The following RPRD1B variants were observed in gnomAD, a reference collection of about 807,000 sequenced individuals.
The protein encoded by RPRD1B is regulation of nuclear pre-mRNA domain containing 1B, also known as regulation of nuclear pre-mRNA domain-containing protein 1B.
In RPRD1B, 11 loss-of-function variants were observed where a neutral mutation model predicts 41.5. The observed-to-expected ratio is 0.27, with a 90% CI of 0.17 to 0.44. The LOEUF is 0.44. Among genes scored for constraint, RPRD1B ranks in the 20% least tolerant of loss-of-function variants. The pLI, the probability that RPRD1B is intolerant of heterozygous loss-of-function variation, is 1.00. For synonymous variants in RPRD1B, 158 were observed against 155.6 expected, an observed-to-expected ratio of 1.02 and a Z score of -0.12; for missense variants, 248 against 389.9, an observed-to-expected ratio of 0.64 and a Z score of 3.06.
intron 3 of RPRD1B, chr20:38,049,835 C>G (rs962365723): frequency 2.1e-6 from 1 of 470,312 alleles, no homozygotes; most frequent in Non-Finnish European, 4.4e-6. Context: ...ATTGAAGACC[C>G]TTTCTATCTG....
chr20:38,088,076 G>A (rs1357156646), intron 6 of RPRD1B, among the ~76,000 whole-genome samples: 1 of 152,184 alleles, frequency 6.6e-6, no homozygotes, highest in Non-Finnish European at 1.5e-5. Flanking sequence ...TGCTAGGAGA[G>A]CTCACTCTCT....
chr20:38,059,582 C>A lies in RPRD1B; in HGVS notation c.655+62C>A, dbSNP rs556992928. 2.6e-6 allele frequency: 4 copies of A among 1,534,984 alleles called. No homozygotes were observed. The African/African-American group carries it at 5.5e-5, about 21-fold the overall frequency. ...AGGGACATAACTGTAATGCAGTAAC[C>A]CTAGGCCATACTTAACGTCTGCAGG... On this transcript the variant is annotated intron_variant, in intron 5 of 6. Transcript: ENST00000373433.
chr20:38,073,144 G>A (rs141508153), intron 6 of RPRD1B, among the ~76,000 whole-genome samples: 75 of 152,288 alleles, frequency 4.9e-4, no homozygotes, highest in Middle Eastern at 3.4e-3. Flanking sequence ...CAGAATAGTA[G>A]CCAAAGTTTA....
intron 6 of RPRD1B, among the ~76,000 whole-genome samples, 153 bp downstream of exon 6, chr20:38,066,409 G>A (rs903738520): frequency 6.6e-6 from 1 of 152,136 alleles, no homozygotes; most frequent in Non-Finnish European, 1.5e-5. Context: ...GTAATTATTT[G>A]AGCCCAGTTA....
chr20:38,040,219 A>G (rs769567457), intron 1 of RPRD1B, among the ~76,000 whole-genome samples: 1 of 150,832 alleles, frequency 6.6e-6, no homozygotes, highest in Non-Finnish European at 1.5e-5. Context: ...CAACACAGCA[A>G]TGAAGATGGC....
At chr20:38,078,745 AAGCCTAT>A (rs921449834) in intron 6 of RPRD1B, among the ~76,000 whole-genome samples, 1 of 152,122 alleles carries the variant, frequency 6.6e-6, no homozygotes, top group African/African-American at 2.4e-5. Flanking sequence ...TCTTCTCACT[AAGCCTAT>A]AGCTTGATGG....
intron 6 of RPRD1B, among the ~76,000 whole-genome samples, chr20:38,067,902 G>A (rs973193755): frequency 1.3e-5 from 2 of 152,232 alleles, no homozygotes; most frequent in Non-Finnish European, 2.9e-5. Context: ...ACACATTAAG[G>A]GCTTTCTCTG....
At chr20:38,082,727 C>G (rs182432415) in intron 6 of RPRD1B, among the ~76,000 whole-genome samples, 1 of 152,164 alleles carries the variant, frequency 6.6e-6, no homozygotes, top group African/African-American at 2.4e-5. Context: ...CCATCTCCCT[C>G]CAGTAGAAAA....
chr20:38,072,739 T>C (rs1194762486), intron 6 of RPRD1B, among the ~76,000 whole-genome samples: 7 of 151,272 alleles, frequency 4.6e-5, no homozygotes, highest in Non-Finnish European at 8.9e-5. Context: ...GCATTTGATA[T>C]TATAAAGGCC....
chr20:38,076,189 C>T (rs1240016849), intron 6 of RPRD1B, among the ~76,000 whole-genome samples: 3 of 152,184 alleles, frequency 2.0e-5, no homozygotes, highest in Admixed American at 1.3e-4. Context: ...ACCATTTACC[C>T]CAATTATGGT....
intron 3 of RPRD1B, 103 bp from the exon 4 acceptor site, chr20:38,057,429 G>A: frequency 1.4e-6 from 1 of 731,360 alleles, no homozygotes; most frequent in Admixed American, 2.0e-5. Flanking sequence ...CTGAAAATGT[G>A]TGCCCCTTCT....
At chr20:38,064,435 A>G (rs1281168394) in intron 5 of RPRD1B, among the ~76,000 whole-genome samples, 2 of 152,212 alleles carry the variant, frequency 1.3e-5, no homozygotes, top group Non-Finnish European at 2.9e-5. Context: ...CTGTATCCAT[A>G]GGGAATGTCA....
intron 6 of RPRD1B, among the ~76,000 whole-genome samples, chr20:38,083,513 G>A (rs1202276998): frequency 1.3e-5 from 2 of 152,146 alleles, no homozygotes; most frequent in African/African-American, 2.4e-5. Context: ...GAGATCAGGG[G>A]TTTTGTTGTG....
At chr20:38,073,205 G>T (rs143660421) in intron 6 of RPRD1B, among the ~76,000 whole-genome samples, 1 of 152,332 alleles carries the variant, frequency 6.6e-6, no homozygotes, top group Non-Finnish European at 1.5e-5. Context: ...GACATTTTAT[G>T]TGGGGTCATA....
chr20:38,035,315 C>G (rs1267910066), intron 1 of RPRD1B, among the ~76,000 whole-genome samples: 2 of 152,166 alleles, frequency 1.3e-5, no homozygotes, highest in Non-Finnish European at 2.9e-5. Flanking sequence ...TCCAGACACC[C>G]TATATGTGGT....
intron 3 of RPRD1B, among the ~76,000 whole-genome samples, chr20:38,054,332 AG>A (rs2074218778): frequency 6.6e-6 from 1 of 152,222 alleles, no homozygotes; most frequent in Non-Finnish European, 1.5e-5. Flanking sequence ...AAATGGAAAT[AG>A]GAGGAAACTG....
rs7348889 is a variant in RPRD1B, at chr20:38,068,127, A to G, written c.831+1871A>G. Reference sequence around the variant, plus strand: ...GGTTTGCTGGACGCCACGAGAGGGCATTAAGGTGGAGAAACAGATTAGAGC... The same window carrying G: ...GGTTTGCTGGACGCCACGAGAGGGCGTTAAGGTGGAGAAACAGATTAGAGC... On this transcript the variant is annotated intron_variant, in intron 6 of 6. Transcript: ENST00000373433. 7.7e-3 allele frequency among the ~76,000 whole-genome samples: 1,177 copies of G among 152,336 alleles called. 14 individuals are homozygous for G. The highest frequency in any genetic ancestry group is 0.026 in the African/African-American group (1,061 of 41,572).
At chr20:38,083,562 C>T (rs2074534006) in intron 6 of RPRD1B, among the ~76,000 whole-genome samples, 1 of 152,066 alleles carries the variant, frequency 6.6e-6, no homozygotes, top group Admixed American at 6.5e-5. Flanking sequence ...TGTAGAGGAG[C>T]CTCTGGGGAG....
chr20:38,033,817 C>T lies in RPRD1B; in HGVS notation c.-131C>T. ...GAGACCCATCCCCTCCCCCTTCTCG[C>T]ACCCCTGGCAGTCTGTCAGTCGGTA... On this transcript the variant is annotated 5_prime_UTR_variant, in exon 1 of 7. Coordinates refer to ENST00000373433, the MANE Select transcript of RPRD1B (RefSeq NM_021215.4). The T allele has an allele frequency of 3.3e-6, 3 of 909,128 alleles. No homozygotes were observed. The South Asian group carries it at 5.3e-5, about 16-fold the overall frequency. The allele number at this position is 909,128 out of a possible 1,614,324, so 56.3% of individuals were successfully genotyped here.
Sources: allele counts gnomAD v4.1 joint callset (sites outside exome capture counted in the v4.1 genomes callset), GRCh38; gene constraint gnomAD v4.1.1; transcripts MANE v1.5; gene names NCBI Gene and HGNC (gene_info 2026-07-23, HGNC 2026-07-21).